Variants in ANKRD42 observed in about 807,000 individuals in gnomAD.
ANKRD42 encodes ankyrin repeat domain-containing protein 42.
ANKRD42 carries 43 observed loss-of-function variants against 51.5 expected under a neutral mutation model. That is an observed-to-expected ratio of 0.83 (90% CI 0.65 to 1.08). The LOEUF (loss-of-function observed/expected upper bound fraction) is 1.08. Among genes scored for constraint, ANKRD42 ranks in the 50% least tolerant of loss-of-function variants. The pLI, the probability that ANKRD42 is intolerant of heterozygous loss-of-function variation, is 0.00. For missense variants in ANKRD42, 608 were observed against 629.3 expected (o/e 0.97, Z 0.36); for synonymous variants, 203 against 213.0 (o/e 0.95, Z 0.41).
At chr11:83,212,633 C>T in intron 5 of ANKRD42, 4 of 1,521,028 alleles carry the variant, frequency 2.6e-6, no homozygotes, top group Non-Finnish European at 3.5e-6. Context: ...CAGGCCTGAT[C>T]AAATCACTTT....
chr11:83,234,666 C>T (rs750960633), intron 7 of ANKRD42, among the ~76,000 whole-genome samples: 2 of 152,204 alleles, frequency 1.3e-5, no homozygotes, highest in Non-Finnish European at 2.9e-5. Context: ...TAAAATTCAG[C>T]ATTATCCATG....
At chr11:83,260,407 TTAATC>T (rs1298961529), downstream of ANKRD42, 3 of 152,146 alleles carry the variant, frequency 2.0e-5, no homozygotes, top group Non-Finnish European at 4.4e-5. Flanking sequence ...TCAGTGAAAA[TTAATC>T]TATAATATAC....
At chr11:83,256,356 A>T (rs925189318), downstream of ANKRD42, among the ~76,000 whole-genome samples, 4 of 152,162 alleles carry the variant, frequency 2.6e-5, no homozygotes, top group East Asian at 1.9e-4. Context: ...GTTTAAAAAA[A>T]TTTTTTTTCA....
At chr11:83,211,878 T>G (rs930756131) in intron 5 of ANKRD42, among the ~76,000 whole-genome samples, 1 of 152,136 alleles carries the variant, frequency 6.6e-6, no homozygotes, top group East Asian at 1.9e-4. Context: ...TATGTTGACA[T>G]GAATATTTTT....
intron 2 of ANKRD42, 23 bp from the exon 3 acceptor site, chr11:83,206,035 T>A (rs1862056820): frequency 6.3e-7 from 1 of 1,588,948 alleles, no homozygotes; most frequent in Non-Finnish European, 8.6e-7. Context: ...CTTTATCACT[T>A]GTTAACATGG....
At chr11:83,251,096 T>C (rs554301410), downstream of ANKRD42, among the ~76,000 whole-genome samples, 4 of 152,268 alleles carry the variant, frequency 2.6e-5, no homozygotes, top group African/African-American at 9.6e-5. Context: ...TGTTCTCCTA[T>C]ATATATATTA....
At chr11:83,233,496 G>C (rs1304387027) in intron 7 of ANKRD42, among the ~76,000 whole-genome samples, 1 of 151,712 alleles carries the variant, frequency 6.6e-6, no homozygotes, top group Non-Finnish European at 1.5e-5. Flanking sequence ...CTGGATAAAG[G>C]TTTGTCCATT....
intron 1 of ANKRD42, among the ~76,000 whole-genome samples, chr11:83,197,467 A>T (rs1340870588): frequency 6.6e-6 from 1 of 152,256 alleles, no homozygotes; most frequent in Non-Finnish European, 1.5e-5. Context: ...ATATAATTCC[A>T]GTGTAAAATA....
At chr11:83,198,697 G>T in intron 2 of ANKRD42, 55 bp downstream of exon 2, 2 of 1,476,292 alleles carry the variant, frequency 1.4e-6, no homozygotes, top group African/African-American at 1.4e-5. Flanking sequence ...TAACAGTTTT[G>T]TAAATTTAGC....
At position 83,194,533 on chromosome 11, in the gene ANKRD42, G is replaced by T; in HGVS notation, c.-138G>T. ...CAGCTTCTGGGAGAGAGCAAGAGAG[G>T]ACCTTGGGCCCCGTCCTAGTGACGA... is the stretch of plus-strand genomic sequence containing the variant. On this transcript the variant is annotated 5_prime_UTR_variant, in exon 1 of 11. Coordinates refer to ENST00000533342, the MANE Select transcript of ANKRD42 (RefSeq NM_001300975.2). The T allele has an allele frequency of 1.2e-6, 1 of 801,494 alleles. No homozygotes were observed. 49.6% of individuals were successfully genotyped at this position (801,494 alleles called of 1,614,324 possible).
At chr11:83,255,894 A>G in exon 12 of ANKRD42, 1 of 1,534,976 alleles carries the variant, frequency 6.5e-7, no homozygotes. Flanking sequence ...CGAGTAAAAA[A>G]AAAGGTTTCT....
downstream of ANKRD42, chr11:83,256,106 C>G (rs1365011248): frequency 1.7e-5 from 8 of 478,318 alleles, no homozygotes; most frequent in Non-Finnish European, 2.6e-5. Context: ...ATGACACGGA[C>G]TCAGTTGTGC....
At chr11:83,242,563 T>G (rs1037988119) in intron 9 of ANKRD42, among the ~76,000 whole-genome samples, 1 of 130,362 alleles carries the variant, frequency 7.7e-6, no homozygotes, top group Non-Finnish European at 1.6e-5. Flanking sequence ...TGAATGGTAG[T>G]TAAGTTTTTT....
downstream of ANKRD42, chr11:83,259,603 A>AAAC (rs1289507627): frequency 6.6e-6 from 1 of 152,224 alleles, no homozygotes; most frequent in African/African-American, 2.4e-5. Flanking sequence ...AAGAATGAAT[A>AAAC]AACTAATATA....
chr11:83,226,733 G>T lies in ANKRD42; in HGVS notation c.788-1014G>T, dbSNP rs184469399. On this transcript the variant is annotated intron_variant, in intron 6 of 10. Coordinates refer to ENST00000533342, the MANE Select transcript of ANKRD42 (RefSeq NM_001300975.2). ...GGAGGCTGAGGTGGGAGGATTGCTTGAGCCCAGGAGTTCAAAGTTACAGTG... is the reference window on the plus strand; with the variant it reads ...GGAGGCTGAGGTGGGAGGATTGCTTTAGCCCAGGAGTTCAAAGTTACAGTG... Among the ~76,000 whole-genome samples, 10 of 152,276 alleles carry T rather than the reference G, an allele frequency of 6.6e-5. No individual in the cohort carries two copies. The East Asian group carries it at 1.9e-3, about 29-fold the overall frequency.
chr11:83,215,629 C>T (rs1862503312), intron 5 of ANKRD42, among the ~76,000 whole-genome samples: 1 of 151,858 alleles, frequency 6.6e-6, no homozygotes, highest in African/African-American at 2.4e-5. Flanking sequence ...TTGTAGTTAC[C>T]ATGAGTCTTA....
At chr11:83,204,992 C>T in intron 2 of ANKRD42, among the ~76,000 whole-genome samples, 1 of 152,166 alleles carries the variant, frequency 6.6e-6, no homozygotes. Context: ...AAACAAAAAA[C>T]CAAAAAAATG....
intron 3 of ANKRD42, among the ~76,000 whole-genome samples, chr11:83,207,427 A>G (rs1862120142): frequency 6.6e-6 from 1 of 152,238 alleles, no homozygotes; most frequent in Non-Finnish European, 1.5e-5. Context: ...TTAAAGTTCT[A>G]ATGAAAAATA....
chr11:83,194,031 AAG>A lies in ANKRD42; in HGVS notation c.-639_-638del, dbSNP rs1324877682. ...CCGGCTTCTCCCGCAGTGACTTGAGAAGGGTCAGTGAAAACCTCGGCCACTGC... is the reference window on the plus strand; with the variant it reads ...CCGGCTTCTCCCGCAGTGACTTGAGAGGTCAGTGAAAACCTCGGCCACTGC... On this transcript the variant is annotated 5_prime_UTR_variant, in exon 1 of 11. Transcript: ENST00000533342. 1.7e-4 allele frequency: 76 copies of A among 456,406 alleles called. No homozygotes were observed. In the Admixed American group the frequency reaches 1.7e-3, roughly 10 times the overall value. 28.3% of individuals were successfully genotyped at this position (456,406 alleles called of 1,614,324 possible). A position where few individuals can be genotyped will look rare whatever the true frequency, so the allele number is the denominator to read the frequency against.
Sources: gnomAD v4.1 joint callset for allele counts (sites outside exome capture counted in the v4.1 genomes callset) on GRCh38, gnomAD v4.1.1 for gene constraint, MANE v1.5 for transcripts, NCBI Gene and HGNC (gene_info 2026-07-23, HGNC 2026-07-21) for gene names.